The following CWC27 variants were observed in gnomAD, a reference collection of about 807,000 sequenced individuals.
CWC27 encodes spliceosome-associated protein CWC27 homolog.
In CWC27, 47 loss-of-function variants were observed where a neutral mutation model predicts 63.6. That is an observed-to-expected ratio of 0.74 (90% confidence interval 0.58 to 0.94). CWC27 has a LOEUF of 0.94. Among genes scored for constraint, CWC27 ranks in the 40% least tolerant of loss-of-function variants. CWC27 has a pLI of 0.00. For missense variants in CWC27, 495 were observed against 554.3 expected (o/e 0.89, Z 1.07); for synonymous variants, 175 against 179.8 (o/e 0.97, Z 0.22).
intron 10 of CWC27, among the ~76,000 whole-genome samples, chr5:64,862,258 C>G (rs1305765350): frequency 2.6e-5 from 4 of 152,112 alleles, no homozygotes; most frequent in African/African-American, 9.7e-5. Flanking sequence ...CTGACACAGC[C>G]ACACTGCATA....
intron 10 of CWC27, among the ~76,000 whole-genome samples, chr5:64,867,498 C>G (rs1432325433): frequency 6.6e-6 from 1 of 152,060 alleles, no homozygotes; most frequent in Non-Finnish European, 1.5e-5. Flanking sequence ...TTCCTAACAA[C>G]TAGCATAACG....
chr5:64,855,914 A>G (rs1465433234), intron 10 of CWC27, among the ~76,000 whole-genome samples: 1 of 152,168 alleles, frequency 6.6e-6, no homozygotes, highest in African/African-American at 2.4e-5. Flanking sequence ...AGAGATAAAC[A>G]GAGAAAGAAA....
At chr5:64,904,356 G>T (rs1204795534) in intron 11 of CWC27, among the ~76,000 whole-genome samples, 1 of 152,180 alleles carries the variant, frequency 6.6e-6, no homozygotes. Context: ...ACTTAGCTGA[G>T]AAGTTTTGCA....
At chr5:64,998,522 C>T (rs1580773091) in intron 13 of CWC27, among the ~76,000 whole-genome samples, 1 of 152,232 alleles carries the variant, frequency 6.6e-6, no homozygotes, top group East Asian at 1.9e-4. Context: ...TTCATATTTA[C>T]TCCAACAATA....
intron 13 of CWC27, among the ~76,000 whole-genome samples, chr5:65,007,014 GAAAGAAAGA>G: frequency 7.3e-6 from 1 of 136,794 alleles, no homozygotes. Flanking sequence ...AAGAAAGAAA[GAAAGAAAGA>G]AAAGAAAGAA....
intron 10 of CWC27, among the ~76,000 whole-genome samples, chr5:64,815,412 G>T (rs758588016): frequency 3.3e-5 from 5 of 152,180 alleles, no homozygotes; most frequent in Non-Finnish European, 7.4e-5. Flanking sequence ...CTCTTAAAGC[G>T]TCTGCTTCGA....
chr5:64,827,907 C>T (rs560547859), intron 10 of CWC27, among the ~76,000 whole-genome samples: 2 of 152,112 alleles, frequency 1.3e-5, no homozygotes, highest in Non-Finnish European at 2.9e-5. Flanking sequence ...CTTTGTGCTG[C>T]CCAAGATAAG....
intron 13 of CWC27, among the ~76,000 whole-genome samples, chr5:64,992,325 ATTGT>A (rs1749550490): frequency 6.6e-6 from 1 of 152,166 alleles, no homozygotes; most frequent in South Asian, 2.1e-4. Context: ...AAATGGTGAG[ATTGT>A]TTGTCACACC....
intron 11 of CWC27, among the ~76,000 whole-genome samples, chr5:64,925,646 T>C (rs1748096323): frequency 6.6e-6 from 1 of 152,178 alleles, no homozygotes; most frequent in African/African-American, 2.4e-5. Context: ...GAATTAGGGA[T>C]AAAGGGAGAG....
chr5:64,776,068 C>CGAGAGAGAGAGAGAGAGAGAGAGAGA (rs70983650), intron 2 of CWC27, among the ~76,000 whole-genome samples: 1 of 108,554 alleles, frequency 9.2e-6, no homozygotes, highest in African/African-American at 3.8e-5. Context: ...AGGAGTGGAG[C>CGAGAGAGAGAGAGAGAGAGAGAGAGA]GAGAGAGAGA....
intron 11 of CWC27, among the ~76,000 whole-genome samples, chr5:64,959,254 C>CAACT (rs1748859458): frequency 1.3e-5 from 2 of 152,232 alleles, no homozygotes; most frequent in South Asian, 4.1e-4. Context: ...ATCACCTTAA[C>CAACT]AACTTTCAAG....
rs548606799 is a variant in CWC27 at position 64,835,638 on chromosome 5, A to C, written c.938+31252A>C. On this transcript the variant is annotated intron_variant, in intron 10 of 13. Transcript: ENST00000381070. The stretch of plus-strand genomic sequence containing the variant: ...AACTGATGGTCAAGTTTTTGGTATA[A>C]CTTAAATATCATTTTGATATTTGTT... Among the ~76,000 whole-genome samples the C allele has an allele frequency of 1.6e-4, 25 of 151,932 alleles. No homozygotes were observed. The South Asian group carries it at 5.2e-3, about 31-fold the overall frequency.
chr5:64,881,313 TATG>T (rs776824207), intron 10 of CWC27, among the ~76,000 whole-genome samples: 1 of 152,134 alleles, frequency 6.6e-6, no homozygotes, highest in Non-Finnish European at 1.5e-5. Context: ...TCAGTTTGTA[TATG>T]ATATGACTAC....
chr5:64,979,965 T>TAAAA (rs35301190), intron 13 of CWC27, among the ~76,000 whole-genome samples: 1 of 112,262 alleles, frequency 8.9e-6, no homozygotes, highest in African/African-American at 3.4e-5. Context: ...ACTTTTTATG[T>TAAAA]AAAAAAAAAA....
chr5:64,853,419 C>G (rs1746183021), intron 10 of CWC27, among the ~76,000 whole-genome samples: 1 of 152,038 alleles, frequency 6.6e-6, no homozygotes, highest in South Asian at 2.1e-4. Context: ...TCTTGTCCCC[C>G]CTTCATAGAA....
chr5:64,924,956 G>GACACACACACACACAC (rs36083384), intron 11 of CWC27, among the ~76,000 whole-genome samples: 168 of 145,550 alleles, frequency 1.2e-3, no homozygotes, highest in African/African-American at 4.0e-3. Context: ...GTCTTTCTTA[G>GACACACACACACACAC]ACACACACAC....
intron 12 of CWC27, chr5:64,972,611 A>G: frequency 2.4e-6 from 1 of 425,432 alleles, no homozygotes; most frequent in South Asian, 1.7e-5. Flanking sequence ...TAAATTAAAA[A>G]GCCCAAACCT....
At chr5:64,992,014 C>T (rs1364989941) in intron 13 of CWC27, among the ~76,000 whole-genome samples, 1 of 152,098 alleles carries the variant, frequency 6.6e-6, no homozygotes, top group African/African-American at 2.4e-5. Flanking sequence ...ATATCCTTTT[C>T]GTGCTTTTTC....
At chr5:64,991,991 CTAAAG>C (rs1749545072) in intron 13 of CWC27, among the ~76,000 whole-genome samples, 1 of 152,168 alleles carries the variant, frequency 6.6e-6, no homozygotes, top group South Asian at 2.1e-4. Flanking sequence ...TTATGCTTGA[CTAAAG>C]TAAGTATATA....
Sources: allele counts gnomAD v4.1 joint callset (sites outside exome capture counted in the v4.1 genomes callset), GRCh38; gene constraint gnomAD v4.1.1; transcripts MANE v1.5; gene names NCBI Gene and HGNC (gene_info 2026-07-23, HGNC 2026-07-21).